Variants in CDH23 observed in about 807,000 individuals in gnomAD.
CDH23 encodes cadherin-23.
A neutral mutation model predicts 317.1 loss-of-function variants in CDH23; 189 were observed. The ratio of observed to expected loss-of-function variants is 0.60; its 90% CI spans 0.53 to 0.67. The LOEUF is 0.67. Among genes scored for constraint, CDH23 ranks in the 30% least tolerant of loss-of-function variants. The pLI is 0.00. For synonymous variants in CDH23, 1,839 were observed against 1,876.8 expected (o/e 0.98, Z 0.52); for missense variants, 4,401 against 4,592.4 (o/e 0.96, Z 1.20).
Position 71,738,616 on chromosome 10 carries a change from C to T in CDH23, c.4328C>T (p.Ala1443Val), listed in dbSNP as rs1839637016. The T allele has an allele frequency of 5.0e-6, 8 of 1,613,496 alleles. No individual in the cohort carries two copies. The highest frequency in any genetic ancestry group is 1.3e-5 in the African/African-American group (1 of 74,936). ...GGCCAGCGAGTGGCTACTGTCAAGG[C>T]CTGGGACCCTGATGCTGGCAGCAAT... Reference protein sequence around the residue: ...PVGQRVATVKAWDPDAGSNGQ... With the variant: ...PVGQRVATVKVWDPDAGSNGQ... The change falls in exon 35 of 70, where the codon GCC (alanine) becomes GTC (valine). Residue 1443 changes from alanine (A) to valine (V), a missense_variant. Ala to Val is a moderately conservative substitution (Grantham distance 64). Transcript: ENST00000224721.
At chr10:71,552,681 G>A (rs1022693842) in intron 6 of CDH23, among the ~76,000 whole-genome samples, 3 of 152,218 alleles carry the variant, frequency 2.0e-5, no homozygotes, top group Non-Finnish European at 4.4e-5. Context: ...AGCAGGAAGG[G>A]AGTGCGGAGT....
chr10:71,645,687 C>A, intron 12 of CDH23, 144 bp from the exon 13 acceptor site: 1 of 921,306 alleles, frequency 1.1e-6, no homozygotes, highest in Non-Finnish European at 1.8e-6. Context: ...TCTGGGAAAG[C>A]CCTGCTCTGT....
At position 71,702,184 on chromosome 10, in the gene CDH23, C is replaced by T. The variant is rs768340895; in HGVS notation, c.2560C>T (p.Arg854Cys). The T allele has an allele frequency of 9.9e-6, 16 of 1,613,706 alleles. No homozygotes were observed. The African/African-American group carries it at 1.3e-4, about 13-fold the overall frequency. Residue 854 changes from arginine to cysteine, a missense_variant, in exon 23 of 70, where the codon CGC (arginine) becomes TGC (cysteine). Physicochemically the swap from Arg to Cys is radical, Grantham distance 180. Transcript: ENST00000224721. The stretch of plus-strand genomic sequence containing the variant: ...CGACCCCCATGAGGCCGAGCTGATG[C>T]GCAAAATCGTCGTCTCTGTTACTGA... ...NPDPHEAELMRKIVVSVTDCG... is the reference protein window; with the variant it reads ...NPDPHEAELMCKIVVSVTDCG...
intron 49 of CDH23, among the ~76,000 whole-genome samples, chr10:71,797,464 A>AC (rs762429377): frequency 6.6e-6 from 1 of 152,142 alleles, no homozygotes; most frequent in Admixed American, 6.5e-5. Context: ...TGTGATCTGA[A>AC]CCCCCAGGCT....
chr10:71,758,112 T>G (rs952057316), intron 38 of CDH23, among the ~76,000 whole-genome samples: 1 of 152,122 alleles, frequency 6.6e-6, no homozygotes, highest in Non-Finnish European at 1.5e-5. Context: ...GGCGGGTAGA[T>G]CACTTGAGCC....
intron 68 of CDH23, 52 bp downstream of exon 68, chr10:71,812,942 C>A (rs1564809249): frequency 5.6e-6 from 9 of 1,602,710 alleles, no homozygotes; most frequent in Non-Finnish European, 6.0e-6. Context: ...AGGTTGGACC[C>A]CACTCCAGAG....
At chr10:71,785,417 T>G (rs995091463) in intron 43 of CDH23, among the ~76,000 whole-genome samples, 4 of 152,314 alleles carry the variant, frequency 2.6e-5, no homozygotes, top group East Asian at 3.9e-4. Context: ...AACAACACCA[T>G]GGGGTCCTCC....
intron 7 of CDH23, among the ~76,000 whole-genome samples, chr10:71,569,200 C>T (rs1857611773): frequency 6.6e-6 from 1 of 152,234 alleles, no homozygotes; most frequent in Non-Finnish European, 1.5e-5. Context: ...TCCAGACCTT[C>T]CTCTCCCTTG....
At chr10:71,759,624 T>C (rs964127554) in intron 38 of CDH23, among the ~76,000 whole-genome samples, 2 of 151,696 alleles carry the variant, frequency 1.3e-5, no homozygotes, top group Non-Finnish European at 2.9e-5. Flanking sequence ...CTGGCCAACA[T>C]GGTGAAACCC....
In CDH23 at chr10:71,720,061, G is replaced by C. The variant is rs1368379221; in HGVS notation, c.3370-3984G>C. Reference sequence around the variant, plus strand: ...GCTCACCTTCCCCTGTCGGAAGTTTGAATGGTATGGTCGGCGGCAGCCAGA... The same window carrying C: ...GCTCACCTTCCCCTGTCGGAAGTTTCAATGGTATGGTCGGCGGCAGCCAGA... On this transcript the variant is annotated intron_variant, in intron 28 of 69. Coordinates refer to ENST00000224721, the MANE Select transcript of CDH23 (RefSeq NM_022124.6). 3.3e-5 allele frequency among the ~76,000 whole-genome samples: 5 copies of C among 152,366 alleles called. No individual in the cohort carries two copies. In the East Asian group the frequency reaches 9.7e-4, roughly 29 times the overall value.
rs529212735 is a variant in CDH23 at position 71,788,526 on chromosome 10, G to A, written c.5821-414G>A. The stretch of plus-strand genomic sequence containing the variant: ...GCTGGAGTGCAGTGGCGTGATATCC[G>A]CTCGCTGCAAGCTCCGCCTCCTGGG... On this transcript the variant is annotated intron_variant, in intron 44 of 69. Transcript: ENST00000224721. Among the ~76,000 whole-genome samples the A allele has an allele frequency of 1.1e-4, 17 of 151,506 alleles. No individual in the cohort carries two copies. The South Asian group carries it at 2.1e-3, about 19-fold the overall frequency.
intron 36 of CDH23, among the ~76,000 whole-genome samples, 158 bp from the exon 37 acceptor site, chr10:71,740,664 G>A (rs1347423429): frequency 2.0e-5 from 3 of 151,916 alleles, no homozygotes; most frequent in South Asian, 2.1e-4. Context: ...AGGGCTGGCC[G>A]GGAGAGCCCA....
intron 3 of CDH23, among the ~76,000 whole-genome samples, chr10:71,498,968 C>T (rs778454425): frequency 3.3e-5 from 5 of 152,120 alleles, no homozygotes; most frequent in Admixed American, 1.3e-4. Flanking sequence ...ATGCTTATTG[C>T]GGCACTATTT....
At chr10:71,597,675 C>T (rs1859951042) in intron 9 of CDH23, among the ~76,000 whole-genome samples, 1 of 152,152 alleles carries the variant, frequency 6.6e-6, no homozygotes, top group Non-Finnish European at 1.5e-5. Flanking sequence ...AGGGTAGTTG[C>T]TTCTGGTCTA....
chr10:71,803,154 G>A, intron 54 of CDH23, 55 bp from the exon 55 acceptor site: 1 of 1,605,166 alleles, frequency 6.2e-7, no homozygotes, highest in Non-Finnish European at 8.5e-7. Context: ...CAGGAGTAGA[G>A]GGAAGCGTGG....
At chr10:71,667,472 G>A (rs574206715) in intron 14 of CDH23, among the ~76,000 whole-genome samples, 25 of 151,736 alleles carry the variant, frequency 1.6e-4, no homozygotes, top group African/African-American at 6.0e-4. Context: ...GGAGAGAAAA[G>A]GAAAGTTTCT....
At chr10:71,811,634 T>A (rs1399121795) in intron 64 of CDH23, 44 bp downstream of exon 64, 1 of 1,613,694 alleles carries the variant, frequency 6.2e-7, no homozygotes, top group Non-Finnish European at 8.5e-7. Context: ...GACCACCTGC[T>A]CCCGGATGGC....
chr10:71,768,224 T>G (rs1211656251), intron 38 of CDH23, among the ~76,000 whole-genome samples: 7 of 152,076 alleles, frequency 4.6e-5, no homozygotes, highest in Non-Finnish European at 1.0e-4. Context: ...AGGCTGGAGT[T>G]CAGTGGTGCA....
chr10:71,533,525 CCACACACA>C (rs55659529), intron 6 of CDH23, among the ~76,000 whole-genome samples: 55 of 130,822 alleles, frequency 4.2e-4, no homozygotes, highest in Non-Finnish European at 6.6e-4. Flanking sequence ...TGGCTGGACA[CCACACACA>C]CACACACACA....
Sources: allele counts gnomAD v4.1 joint callset (sites outside exome capture counted in the v4.1 genomes callset), GRCh38; gene constraint gnomAD v4.1.1; transcripts MANE v1.5; gene names NCBI Gene and HGNC (gene_info 2026-07-23, HGNC 2026-07-21).